Variants in SORBS2 observed in about 807,000 individuals in gnomAD.
The protein encoded by SORBS2 is sorbin and SH3 domain-containing protein 2.
In SORBS2, 46 loss-of-function variants were observed where a neutral mutation model predicts 97.7. The ratio of observed to expected loss-of-function variants is 0.47; its 90% CI spans 0.37 to 0.60. The LOEUF (loss-of-function observed/expected upper bound fraction) is 0.60, where lower values mean the gene tolerates loss of function less well. SORBS2 is among the 20% of genes least tolerant of loss of function. SORBS2 has a pLI of 0.00. For synonymous variants in SORBS2, 476 were observed against 473.4 expected, an observed-to-expected ratio of 1.01 and a Z score of -0.07; for missense variants, 1,316 against 1,282.3, an observed-to-expected ratio of 1.03 and a Z score of -0.40.
chr4:185,938,603 C>G (rs564445689), intron 1 of SORBS2, among the ~76,000 whole-genome samples: 1 of 152,206 alleles, frequency 6.6e-6, no homozygotes, highest in East Asian at 1.9e-4. Flanking sequence ...AAAGCATCCA[C>G]TCTGATAATT....
chr4:185,685,196 T>C (rs1395317706), intron 2 of SORBS2, among the ~76,000 whole-genome samples: 2 of 152,228 alleles, frequency 1.3e-5, no homozygotes, highest in African/African-American at 2.4e-5. Flanking sequence ...CTATAAGCAC[T>C]GGATCTGGCT....
intron 1 of SORBS2, among the ~76,000 whole-genome samples, chr4:185,916,040 A>T (rs896480705): frequency 6.6e-6 from 1 of 152,202 alleles, no homozygotes; most frequent in Non-Finnish European, 1.5e-5. Context: ...GGGAAATGGC[A>T]GGTGGATAAG....
At chr4:185,855,577 C>T (rs1017044595) in intron 1 of SORBS2, among the ~76,000 whole-genome samples, 6 of 152,130 alleles carry the variant, frequency 3.9e-5, no homozygotes, top group African/African-American at 1.4e-4. Context: ...AAATTTTCTT[C>T]TCTGAAAAAC....
intron 1 of SORBS2, among the ~76,000 whole-genome samples, chr4:185,869,001 C>A (rs1441471750): frequency 6.6e-6 from 1 of 152,162 alleles, no homozygotes; most frequent in Non-Finnish European, 1.5e-5. Context: ...TCGCAGCAAA[C>A]TTCTGAACGC....
At chr4:185,878,597 A>G (rs1037108963) in intron 1 of SORBS2, among the ~76,000 whole-genome samples, 2 of 152,068 alleles carry the variant, frequency 1.3e-5, no homozygotes, top group African/African-American at 2.4e-5. Flanking sequence ...ATCACCTCCA[A>G]TGCCAAGCCT....
At chr4:185,875,938 T>C (rs867094073) in intron 1 of SORBS2, among the ~76,000 whole-genome samples, 2 of 152,250 alleles carry the variant, frequency 1.3e-5, no homozygotes, top group Non-Finnish European at 2.9e-5. Flanking sequence ...GGAATTGTTG[T>C]ATTTTAATTA....
At chr4:185,680,107 A>G (rs1427731518) in intron 2 of SORBS2, among the ~76,000 whole-genome samples, 1 of 152,212 alleles carries the variant, frequency 6.6e-6, no homozygotes, top group Non-Finnish European at 1.5e-5. Flanking sequence ...ATAGAGAAAA[A>G]TTACTTTGAA....
At chr4:185,928,747 C>T (rs543999301) in intron 1 of SORBS2, among the ~76,000 whole-genome samples, 14 of 152,222 alleles carry the variant, frequency 9.2e-5, no homozygotes, top group Admixed American at 2.0e-4. Flanking sequence ...GGGGTTTCAC[C>T]GTGTTAGCCA....
At chr4:185,686,540 G>T (rs1397381197) in intron 2 of SORBS2, among the ~76,000 whole-genome samples, 1 of 152,198 alleles carries the variant, frequency 6.6e-6, no homozygotes, top group Non-Finnish European at 1.5e-5. Context: ...GCTCCAAAAG[G>T]ATTTTAGCGA....
chr4:185,883,481 G>A (rs2099237854), intron 1 of SORBS2, among the ~76,000 whole-genome samples: 1 of 152,156 alleles, frequency 6.6e-6, no homozygotes, highest in African/African-American at 2.4e-5. Flanking sequence ...AGTTCCTTAT[G>A]GTGTTAAACA....
chr4:185,804,049 G>T (rs1237224865), intron 1 of SORBS2, among the ~76,000 whole-genome samples: 1 of 152,164 alleles, frequency 6.6e-6, no homozygotes, highest in Non-Finnish European at 1.5e-5. Context: ...GTTGCGTCAT[G>T]TTTCCTCCGT....
chr4:185,844,401 A>G (rs1434237657), intron 1 of SORBS2, among the ~76,000 whole-genome samples: 2 of 152,202 alleles, frequency 1.3e-5, no homozygotes, highest in African/African-American at 4.8e-5. Context: ...CACACCCACA[A>G]TAAGAGAGCA....
At chr4:185,791,215 A>C (rs910672752) in intron 1 of SORBS2, among the ~76,000 whole-genome samples, 4 of 152,210 alleles carry the variant, frequency 2.6e-5, no homozygotes, top group African/African-American at 9.7e-5. Context: ...GTAAGTATAA[A>C]TTTACCACCT....
intron 2 of SORBS2, among the ~76,000 whole-genome samples, chr4:185,761,750 T>C (rs2098894200): frequency 6.6e-6 from 1 of 152,174 alleles, no homozygotes; most frequent in Admixed American, 6.5e-5. Context: ...GAATCTGAGT[T>C]CCATGCCCAG....
At chr4:185,688,149 G>A (rs1374689711) in intron 2 of SORBS2, among the ~76,000 whole-genome samples, 1 of 152,006 alleles carries the variant, frequency 6.6e-6, no homozygotes, top group Non-Finnish European at 1.5e-5. Context: ...TTCTAAAAGT[G>A]GACATATAAC....
rs368045365 is a variant in SORBS2, at chr4:185,902,035, G to T, written c.-338+54161C>A. Among the ~76,000 whole-genome samples, 13 of 152,126 alleles carry T rather than the reference G, an allele frequency of 8.5e-5. No homozygotes were observed. In the East Asian group the frequency reaches 1.2e-3, roughly 14 times the overall value. On this transcript the variant is annotated intron_variant, in intron 1 of 20. Coordinates refer to the SORBS2 transcript ENST00000284776. ...ATAAGAAAGATCTACTATAAAAAAGGCTATTAAGTAGATTATTGATAAATC... is the reference window on the plus strand; with the variant it reads ...ATAAGAAAGATCTACTATAAAAAAGTCTATTAAGTAGATTATTGATAAATC...
chr4:185,715,880 A>T (rs1168706156), intron 2 of SORBS2, among the ~76,000 whole-genome samples: 2 of 152,220 alleles, frequency 1.3e-5, no homozygotes, highest in African/African-American at 4.8e-5. Context: ...GGAATGTGTA[A>T]CAGAATATTC....
chr4:185,618,755 C>A, intron 8 of SORBS2, 124 bp from the exon 21 acceptor site: 1 of 493,880 alleles, frequency 2.0e-6, no homozygotes, highest in East Asian at 2.9e-5. Context: ...AATGTTAATC[C>A]TGTAAGCAAT....
exon 7 of SORBS2, chr4:185,624,419 T>C (rs753554383): frequency 6.2e-7 from 1 of 1,614,116 alleles, no homozygotes; most frequent in East Asian, 2.2e-5. Context: ...GCTACAGTAA[T>C]CTAACTCACT....
Sources: gnomAD v4.1 joint callset for allele counts (sites outside exome capture counted in the v4.1 genomes callset) on GRCh38, gnomAD v4.1.1 for gene constraint, MANE v1.5 for transcripts, NCBI Gene and HGNC (gene_info 2026-07-23, HGNC 2026-07-21) for gene names.